Variants in LRRTM4 observed in about 807,000 individuals in gnomAD.
The protein encoded by LRRTM4 is leucine-rich repeat transmembrane neuronal protein 4.
Under a neutral mutation model 47.6 loss-of-function variants are expected in LRRTM4, and 25 were observed. The ratio of observed to expected loss-of-function variants is 0.53; its 90% CI spans 0.38 to 0.73. The LOEUF is 0.73. Ranked by LOEUF, LRRTM4 falls within the 30% of genes least tolerant of loss-of-function variation. The pLI is 0.00. For synonymous variants in LRRTM4, 311 were observed against 269.5 expected (o/e 1.15, Z -1.51); for missense variants, 638 against 713.4 (o/e 0.89, Z 1.20).
At chr2:77,053,323 A>G (rs1009943116) in intron 3 of LRRTM4, among the ~76,000 whole-genome samples, 2 of 152,190 alleles carry the variant, frequency 1.3e-5, no homozygotes, top group East Asian at 1.9e-4. Flanking sequence ...TAATAGTTTA[A>G]TAAGACAACA....
intron 3 of LRRTM4, among the ~76,000 whole-genome samples, chr2:77,314,999 T>G (rs1192640591): frequency 6.6e-6 from 1 of 152,136 alleles, no homozygotes; most frequent in Non-Finnish European, 1.5e-5. Context: ...ATGTTTAAGG[T>G]AGGCTAGGCT....
intron 3 of LRRTM4, among the ~76,000 whole-genome samples, chr2:77,441,882 G>A (rs1002566512): frequency 6.6e-6 from 1 of 152,126 alleles, no homozygotes; most frequent in Non-Finnish European, 1.5e-5. Context: ...GTAGGTGTAT[G>A]AGTCCTGGAT....
chr2:77,202,075 T>G (rs1355171670), intron 3 of LRRTM4, among the ~76,000 whole-genome samples: 1 of 152,118 alleles, frequency 6.6e-6, no homozygotes, highest in Non-Finnish European at 1.5e-5. Flanking sequence ...GGCTTGGCAA[T>G]TTTTATAATG....
chr2:76,976,810 A>G (rs1019617668), intron 3 of LRRTM4, among the ~76,000 whole-genome samples: 3 of 151,872 alleles, frequency 2.0e-5, no homozygotes, highest in African/African-American at 7.2e-5. Context: ...AATTTGGTGT[A>G]TATTTTCAAA....
rs549626578 is a variant in LRRTM4, at chr2:76,754,496, C to A, written c.1552-5580G>T. Reference sequence around the variant, plus strand: ...ACTGAACCTAGGAACACAATGTCATCAGCATCCTCTCAGGGTCCTGTCAAT... The same window carrying A: ...ACTGAACCTAGGAACACAATGTCATAAGCATCCTCTCAGGGTCCTGTCAAT... On this transcript the variant is annotated intron_variant, in intron 3 of 3. Coordinates refer to ENST00000409884, the MANE Select transcript of LRRTM4 (RefSeq NM_001134745.3). Among the ~76,000 whole-genome samples the A allele has an allele frequency of 4.6e-5, 7 of 152,284 alleles. No homozygotes were observed. In the East Asian group the frequency reaches 1.4e-3, roughly 29 times the overall value.
At chr2:76,802,101 A>T (rs1675727341) in intron 3 of LRRTM4, among the ~76,000 whole-genome samples, 1 of 152,122 alleles carries the variant, frequency 6.6e-6, no homozygotes, top group Admixed American at 6.6e-5. Context: ...TATTCAATAC[A>T]GTATTGAAAG....
chr2:77,168,024 C>T (rs1837426), intron 3 of LRRTM4, among the ~76,000 whole-genome samples: 97,549 of 151,844 alleles, frequency 0.64, 31,329 homozygotes, highest in South Asian at 0.69. Flanking sequence ...TTTTCCGCTC[C>T]GACTGAATTT....
intron 3 of LRRTM4, among the ~76,000 whole-genome samples, chr2:76,963,877 A>G (rs1675941814): frequency 6.6e-6 from 1 of 150,706 alleles, no homozygotes; most frequent in African/African-American, 2.4e-5. Flanking sequence ...ATAATTATAT[A>G]ATTTTAAAAA....
chr2:77,417,867 A>T (rs576650977), intron 3 of LRRTM4, among the ~76,000 whole-genome samples: 46 of 152,284 alleles, frequency 3.0e-4, no homozygotes, highest in African/African-American at 5.3e-4. Flanking sequence ...CATATGTAAC[A>T]AACCTGCACG....
At chr2:77,365,701 A>G (rs907970845) in intron 3 of LRRTM4, among the ~76,000 whole-genome samples, 1 of 151,522 alleles carries the variant, frequency 6.6e-6, no homozygotes, top group Non-Finnish European at 1.5e-5. Flanking sequence ...GAATACTATG[A>G]TGCCATTAAA....
At chr2:77,474,264 T>A (rs1371029267) in intron 3 of LRRTM4, among the ~76,000 whole-genome samples, 1 of 152,070 alleles carries the variant, frequency 6.6e-6, no homozygotes, top group Non-Finnish European at 1.5e-5. Context: ...GGATAATGGC[T>A]GATAGAAAAA....
At chr2:76,773,183 TC>T (rs1673787652) in intron 3 of LRRTM4, 2 of 152,234 alleles carry the variant, frequency 1.3e-5, no homozygotes, top group Admixed American at 6.5e-5. Context: ...GCCTCTATCT[TC>T]CAGTCTCTGG....
At chr2:77,114,341 A>G (rs948007425) in intron 3 of LRRTM4, among the ~76,000 whole-genome samples, 2 of 152,190 alleles carry the variant, frequency 1.3e-5, no homozygotes, top group Admixed American at 6.5e-5. Context: ...ATACGGTAAC[A>G]TATTTTCCAT....
chr2:76,861,457 T>C (rs1361871527), intron 3 of LRRTM4, among the ~76,000 whole-genome samples: 1 of 152,144 alleles, frequency 6.6e-6, no homozygotes, highest in Non-Finnish European at 1.5e-5. Context: ...CAAAATCATC[T>C]GGTTAATTCA....
chr2:77,439,373 C>T (rs535615888), intron 3 of LRRTM4, among the ~76,000 whole-genome samples: 4 of 151,898 alleles, frequency 2.6e-5, no homozygotes, highest in South Asian at 2.1e-4. Context: ...AAGAAAAATA[C>T]GGGCAAAAAA....
intron 3 of LRRTM4, among the ~76,000 whole-genome samples, chr2:76,846,899 AG>A (rs35559008): frequency 0.083 from 12,701 of 152,254 alleles, 1,103 homozygotes; most frequent in African/African-American, 0.22. Context: ...GAAAGTAAAA[AG>A]GTCATATGAT....
chr2:77,022,798 C>T (rs1678320938), intron 3 of LRRTM4, among the ~76,000 whole-genome samples: 1 of 152,182 alleles, frequency 6.6e-6, no homozygotes, highest in Non-Finnish European at 1.5e-5. Context: ...CTCCTGGCTG[C>T]TTTTATGGGC....
intron 3 of LRRTM4, among the ~76,000 whole-genome samples, chr2:77,240,852 T>G (rs1055095675): frequency 1.3e-5 from 2 of 151,890 alleles, no homozygotes; most frequent in Non-Finnish European, 2.9e-5. Context: ...GGTAACAAAA[T>G]GTGTACAAAA....
chr2:76,819,527 G>A (rs1007512990), intron 3 of LRRTM4, among the ~76,000 whole-genome samples: 1 of 151,828 alleles, frequency 6.6e-6, no homozygotes, highest in African/African-American at 2.4e-5. Flanking sequence ...CTGTTGATAG[G>A]TGAAGTACTT....
Sources: gnomAD v4.1 joint callset for allele counts (sites outside exome capture counted in the v4.1 genomes callset) on GRCh38, gnomAD v4.1.1 for gene constraint, MANE v1.5 for transcripts, NCBI Gene and HGNC (gene_info 2026-07-23, HGNC 2026-07-21) for gene names.